The following PBRM1 variants were observed in gnomAD, a reference collection of about 807,000 sequenced individuals.
The protein encoded by PBRM1 is protein polybromo-1.
A neutral mutation model predicts 194.5 loss-of-function variants in PBRM1; 27 were observed. The ratio of observed to expected loss-of-function variants is 0.14; its 90% CI spans 0.10 to 0.19. The LOEUF is 0.19. Among genes scored for constraint, PBRM1 ranks in the 10% least tolerant of loss-of-function variants. PBRM1 has a pLI of 1.00. For synonymous variants in PBRM1, 655 were observed against 693.2 expected, an observed-to-expected ratio of 0.94 and a Z score of 0.87; for missense variants, 1,466 against 2,077.2, an observed-to-expected ratio of 0.71 and a Z score of 5.72.
upstream of PBRM1, chr3:52,685,845 G>GGCCGCT (rs1426813196): frequency 6.1e-6 from 3 of 489,258 alleles, no homozygotes; most frequent in African/African-American, 6.2e-5. Flanking sequence ...CTCCGGCCGC[G>GGCCGCT]GCCGCTGCCG....
chr3:52,629,466 T>A (rs1471775208), intron 11 of PBRM1, among the ~76,000 whole-genome samples: 3 of 152,156 alleles, frequency 2.0e-5, no homozygotes, highest in Non-Finnish European at 2.9e-5. Flanking sequence ...TAAAAGGCCA[T>A]TCTAGTTCAT....
chr3:52,609,825 C>T lies in PBRM1; in HGVS notation c.2055G>A (p.Leu685=), dbSNP rs770630101. 6.2e-7 allele frequency: 1 copy of T among 1,613,618 alleles called. No individual in the cohort carries two copies. Among genetic ancestry groups the T allele is most frequent in the Non-Finnish European group, 8.5e-7 (1 of 1,179,842 alleles). Reference sequence around the variant, plus strand: ...GCAACTCAGATCTAGAGGGAAGCCTCAGAAATATGGCACTGAGGCGGCGAC... The same window carrying T: ...GCAACTCAGATCTAGAGGGAAGCCTTAGAAATATGGCACTGAGGCGGCGAC... The change falls in exon 16 of 30, where the codon CTG becomes CTA. Residue 685 remains leucine, a synonymous_variant. Coordinates refer to ENST00000296302, the Ensembl canonical transcript of PBRM1. This position sits in a 1 kb window ranked among gnomAD's most constrained non-coding sequence, Gnocchi z 4.1.
chr3:52,621,549 C>T (rs1406575213), intron 13 of PBRM1, among the ~76,000 whole-genome samples: 2 of 152,300 alleles, frequency 1.3e-5, no homozygotes, highest in Middle Eastern at 3.4e-3. Flanking sequence ...AAACCATTAA[C>T]TGTGAATAGT....
chr3:52,608,849 AT>A (rs1309736270), intron 16 of PBRM1, among the ~76,000 whole-genome samples: 2 of 151,834 alleles, frequency 1.3e-5, no homozygotes, highest in African/African-American at 2.4e-5. Context: ...GAAACCTGAG[AT>A]TAAAAAAAAA....
downstream of PBRM1, chr3:52,547,161 A>G (rs2079786274): frequency 4.3e-6 from 1 of 232,920 alleles, no homozygotes; most frequent in African/African-American, 2.2e-5. Context: ...TCAATGTAAC[A>G]GGTTTAAAAT....
intron 12 of PBRM1, among the ~76,000 whole-genome samples, chr3:52,627,696 C>T (rs1461388319): frequency 2.0e-5 from 3 of 152,144 alleles, no homozygotes; most frequent in Non-Finnish European, 2.9e-5. Flanking sequence ...TTAAGTAAAA[C>T]CAACTCAAAG....
At chr3:52,547,925 T>G, downstream of PBRM1, 3 of 616,146 alleles carry the variant, frequency 4.9e-6, no homozygotes, top group South Asian at 6.4e-5. Context: ...TGTCCGTATA[T>G]AAAAATGGCC....
At chr3:52,665,761 T>C (rs1578028487) in intron 3 of PBRM1, among the ~76,000 whole-genome samples, 1 of 152,180 alleles carries the variant, frequency 6.6e-6, no homozygotes, top group Non-Finnish European at 1.5e-5. Flanking sequence ...CTGCTGTCCA[T>C]GGAAGAATTG....
chr3:52,547,985 C>T (rs1156244857), downstream of PBRM1: 5 of 1,239,970 alleles, frequency 4.0e-6, no homozygotes, highest in South Asian at 2.7e-5. Flanking sequence ...TTGTTCCTTC[C>T]CCCCACCCCC....
At chr3:52,559,303 T>C (rs1360164401) in intron 25 of PBRM1, among the ~76,000 whole-genome samples, 1 of 152,220 alleles carries the variant, frequency 6.6e-6, no homozygotes, top group Non-Finnish European at 1.5e-5. Flanking sequence ...GGCCCTGAGC[T>C]ACTCTGCATC....
rs1352458312 is a variant in PBRM1, at chr3:52,623,412, G to A, written c.1541+3861C>T. The stretch of plus-strand genomic sequence containing the variant: ...CCCCCACCTTAAGAGCTTCAGTTGT[G>A]CTTACTAGTAAGCTAAGTAAACCCA... On this transcript the variant is annotated intron_variant, in intron 13 of 29. Transcript: ENST00000296302. 6.6e-5 allele frequency among the ~76,000 whole-genome samples: 10 copies of A among 152,218 alleles called. No homozygotes were observed. The East Asian group carries it at 1.9e-3, about 29-fold the overall frequency.
chr3:52,567,456 G>A (rs994207175), intron 22 of PBRM1, among the ~76,000 whole-genome samples: 1 of 150,892 alleles, frequency 6.6e-6, no homozygotes, highest in South Asian at 2.1e-4. Flanking sequence ...TCCATAAAGG[G>A]TGTCCTAATT....
Position 52,609,457 on chromosome 3 carries a change from G to A in PBRM1, c.2423C>T (p.Pro808Leu), listed in dbSNP as rs771839282. 49 of 1,613,960 alleles carry A rather than the reference G, an allele frequency of 3.0e-5. No homozygotes were observed. In the Admixed American group the frequency reaches 4.0e-4, roughly 13 times the overall value. The change falls in exon 16 of 30, where the codon CCT (proline) becomes CTT (leucine). Residue 808 changes from proline to leucine, a missense_variant. This residue lies in a region of PBRM1 where 687 missense variants were observed against 946.2 expected (regional missense o/e 0.73). Coordinates refer to ENST00000296302, the Ensembl canonical transcript of PBRM1. This position sits in a 1 kb window ranked among gnomAD's most constrained non-coding sequence, Gnocchi z 4.1. ...GTTAGGAAAGTTGGGATCCACAGCA[G>A]GAATTTCTGCTAAAGAATCGCTGTA... is the stretch of plus-strand genomic sequence containing the variant.
intron 22 of PBRM1, among the ~76,000 whole-genome samples, chr3:52,564,917 G>C: frequency 6.6e-6 from 1 of 152,136 alleles, no homozygotes; most frequent in Admixed American, 6.5e-5. Flanking sequence ...AAATTAATTT[G>C]GCCAGGCGCA....
intron 11 of PBRM1, among the ~76,000 whole-genome samples, chr3:52,630,384 C>CTGTACAA (rs1401471385): frequency 2.0e-5 from 3 of 152,184 alleles, no homozygotes; most frequent in African/African-American, 4.8e-5. Context: ...ATAGTAGCCA[C>CTGTACAA]TAGCCATGTG....
Position 52,586,698 on chromosome 3 carries a change from G to A in PBRM1, c.3124-10C>T, listed in dbSNP as rs72947594. On this transcript the variant is annotated splice_polypyrimidine_tract_variant and intron_variant, in intron 19 of 29. Transcript: ENST00000296302. ...ATAACTTAAAGTATTCCTGGGGGGT[G>A]GGGAGGGCATAAGAATAAAACTAGT... The A allele has an allele frequency of 6.4e-7, 1 of 1,559,306 alleles. No homozygotes were observed. The highest frequency in any genetic ancestry group is 8.7e-7 in the Non-Finnish European group (1 of 1,143,716).
At chr3:52,582,907 C>T (rs1309186961) in intron 20 of PBRM1, among the ~76,000 whole-genome samples, 2 of 150,020 alleles carry the variant, frequency 1.3e-5, no homozygotes, top group African/African-American at 2.5e-5. Context: ...ACCATCCTGG[C>T]TAACACGATG....
chr3:52,635,791 T>C (rs1337934000), intron 10 of PBRM1, among the ~76,000 whole-genome samples: 1 of 152,192 alleles, frequency 6.6e-6, no homozygotes, highest in Non-Finnish European at 1.5e-5. Flanking sequence ...CATTCAGAGA[T>C]CCCAGAACTA....
chr3:52,605,524 T>C (rs2094291746), intron 16 of PBRM1, among the ~76,000 whole-genome samples: 3 of 151,984 alleles, frequency 2.0e-5, no homozygotes, highest in Non-Finnish European at 4.4e-5. Context: ...CCCAGAATGC[T>C]GCTCCCATCA....
Sources: gnomAD v4.1 joint callset for allele counts (sites outside exome capture counted in the v4.1 genomes callset) on GRCh38, gnomAD v4.1.1 for gene constraint, gnomAD v4.1.1 regional missense constraint, Gnocchi (gnomAD v3.1) non-coding constraint, MANE v1.5 for transcripts, NCBI Gene and HGNC (gene_info 2026-07-23, HGNC 2026-07-21) for gene names.